Variants in PPA1 observed in about 807,000 individuals in gnomAD.
PPA1 encodes inorganic pyrophosphatase 1.
In PPA1, 23 loss-of-function variants were observed where a neutral mutation model predicts 41.8. That is an observed-to-expected ratio of 0.55 (90% CI 0.40 to 0.78). The LOEUF (loss-of-function observed/expected upper bound fraction) is 0.78, where lower values mean the gene tolerates loss of function less well. Ranked by LOEUF, PPA1 falls within the 30% of genes least tolerant of loss-of-function variation. PPA1 has a pLI of 0.00. For synonymous variants in PPA1, 101 were observed against 116.8 expected (o/e 0.86, Z 0.87); for missense variants, 320 against 361.6 (o/e 0.89, Z 0.93).
At chr10:70,217,991 G>C in intron 3 of PPA1, 60 bp from the exon 4 acceptor site, 2 of 1,372,606 alleles carry the variant, frequency 1.5e-6, no homozygotes, top group African/African-American at 1.4e-5. Flanking sequence ...TTCAAATAAG[G>C]ATCTGAGGAA....
chr10:70,203,510 T>C, intron 10 of PPA1: 1 of 236,518 alleles, frequency 4.2e-6, no homozygotes. Context: ...TTCAAGCAAT[T>C]CTCGTGCCTC....
intron 8 of PPA1, among the ~76,000 whole-genome samples, chr10:70,207,425 T>A (rs1249132198): frequency 6.6e-6 from 1 of 152,130 alleles, no homozygotes. Context: ...TAAGCACTTT[T>A]GGAGGCTGAG....
intron 6 of PPA1, among the ~76,000 whole-genome samples, chr10:70,213,256 T>C (rs780494509): frequency 2.6e-4 from 40 of 152,218 alleles, no homozygotes; most frequent in Admixed American, 7.9e-4. Flanking sequence ...AGTAAGAACC[T>C]ACCAGATTTT....
intron 2 of PPA1, among the ~76,000 whole-genome samples, chr10:70,223,600 T>C (rs1264802647): frequency 6.6e-6 from 1 of 152,148 alleles, no homozygotes; most frequent in Non-Finnish European, 1.5e-5. Flanking sequence ...GACATCTGGC[T>C]ACAATTCAAA....
At chr10:70,207,884 T>C (rs368296251) in intron 8 of PPA1, among the ~76,000 whole-genome samples, 2 of 152,066 alleles carry the variant, frequency 1.3e-5, no homozygotes, top group African/African-American at 4.8e-5. Flanking sequence ...TAATATAATA[T>C]GTGCCCAATT....
chr10:70,214,665 T>C, intron 4 of PPA1, 79 bp from the exon 5 acceptor site: 2 of 1,138,284 alleles, frequency 1.8e-6, no homozygotes, highest in Non-Finnish European at 2.6e-6. Flanking sequence ...GATAACATCC[T>C]ATGACTCTTC....
At chr10:70,213,312 T>G (rs542220225) in intron 6 of PPA1, 151 bp downstream of exon 6, 1 of 852,024 alleles carries the variant, frequency 1.2e-6, no homozygotes, top group Non-Finnish European at 1.7e-6. Flanking sequence ...TAATTACAAG[T>G]GCAGTCATAG....
chr10:70,218,163 T>C (rs1471217615), intron 3 of PPA1, among the ~76,000 whole-genome samples: 1 of 152,202 alleles, frequency 6.6e-6, no homozygotes, highest in East Asian at 1.9e-4. Flanking sequence ...ATTTACTAAT[T>C]CTAGAAAGCA....
In PPA1 at chr10:70,233,383, C is replaced by G. The variant is rs1185696249; in HGVS notation, c.-56G>C. 15 of 1,524,936 alleles carry G rather than the reference C, an allele frequency of 9.8e-6. No individual in the cohort carries two copies. In the East Asian group the frequency reaches 3.3e-4, roughly 34 times the overall value. 94.5% of individuals were successfully genotyped at this position (1,524,936 alleles called of 1,614,324 possible). A position where few individuals can be genotyped will look rare whatever the true frequency, so the allele number is the denominator to read the frequency against. On this transcript the variant is annotated 5_prime_UTR_variant, in exon 1 of 11. Coordinates refer to ENST00000373232, the MANE Select transcript of PPA1 (RefSeq NM_021129.4). Reference sequence around the variant, plus strand: ...CAGAGCCACCAGCCCGCACGCGGCGCCGACTGACAAGGAGAGAGCCCCACG... The same window carrying G: ...CAGAGCCACCAGCCCGCACGCGGCGGCGACTGACAAGGAGAGAGCCCCACG...
intron 1 of PPA1, among the ~76,000 whole-genome samples, chr10:70,231,697 TAAGG>T (rs1395637755): frequency 6.6e-6 from 1 of 152,258 alleles, no homozygotes; most frequent in Non-Finnish European, 1.5e-5. Flanking sequence ...TTATTTCTAT[TAAGG>T]AAGGATAAAG....
chr10:70,232,725 C>G (rs563964879), intron 1 of PPA1, among the ~76,000 whole-genome samples: 1 of 152,240 alleles, frequency 6.6e-6, no homozygotes, highest in South Asian at 2.1e-4. Flanking sequence ...ACCGGTCCAG[C>G]GCCTTCACAG....
chr10:70,207,029 G>C lies in PPA1; in HGVS notation c.726-696C>G, dbSNP rs1365680974. ...AACAAAAAAAAACCCAGTTCCTGTA[G>C]TGTTGGTGAGACATCTGAAACAGAC... On this transcript the variant is annotated intron_variant, in intron 8 of 10. Coordinates refer to ENST00000373232, the MANE Select transcript of PPA1 (RefSeq NM_021129.4). Among the ~76,000 whole-genome samples the C allele has an allele frequency of 2.6e-5, 4 of 152,034 alleles. No individual in the cohort carries two copies. The East Asian group carries it at 7.7e-4, about 29-fold the overall frequency.
At chr10:70,218,414 A>C (rs1840101885) in intron 3 of PPA1, 2 of 220,984 alleles carry the variant, frequency 9.1e-6, no homozygotes, top group Non-Finnish European at 1.8e-5. Flanking sequence ...TCAGAAAGAA[A>C]CTAACACCAT....
intron 2 of PPA1, among the ~76,000 whole-genome samples, chr10:70,225,316 C>A (rs1388508271): frequency 6.6e-6 from 1 of 152,106 alleles, no homozygotes; most frequent in African/African-American, 2.4e-5. Context: ...CTCCGGGGCT[C>A]AAGTGATCCT....
intron 5 of PPA1, 25 bp from the exon 6 acceptor site, chr10:70,213,614 G>C (rs570647953): frequency 1.2e-6 from 2 of 1,611,712 alleles, no homozygotes; most frequent in Non-Finnish European, 1.7e-6. Flanking sequence ...CCAAAGTCAG[G>C]ACAACATTAC....
chr10:70,203,281 A>T (rs1839901571), intron 10 of PPA1, 95 bp from the exon 11 acceptor site: 1 of 1,088,058 alleles, frequency 9.2e-7, no homozygotes, highest in East Asian at 2.4e-5. Flanking sequence ...TGCTTTAATG[A>T]ATCCTACTAT....
chr10:70,228,981 A>G (rs945008482), intron 2 of PPA1, among the ~76,000 whole-genome samples: 1 of 152,254 alleles, frequency 6.6e-6, no homozygotes, highest in African/African-American at 2.4e-5. Flanking sequence ...AAGAAAGTCA[A>G]TAACCTATGT....
chr10:70,209,658 G>A lies in PPA1; in HGVS notation c.539C>T (p.Pro180Leu). ...GTCCACAGTAGCTTCTAAGTAGCCA[G>A]GTTTCAGCCGTTTGACATCATTGAT... ...NDINDVKRLK[P>L]GYLEATVDWF... The change falls in exon 7 of 11, where the codon CCT becomes CTT. Residue 180 changes from proline (P) to leucine (L), a missense_variant. Transcript: ENST00000373232. 1 of 1,603,102 alleles carries A rather than the reference G, an allele frequency of 6.2e-7. No individual in the cohort carries two copies. The highest frequency in any genetic ancestry group is 8.5e-7 in the Non-Finnish European group (1 of 1,172,978).
At chr10:70,218,503 G>T in intron 3 of PPA1, 1 of 440,504 alleles carries the variant, frequency 2.3e-6, no homozygotes, top group Non-Finnish European at 4.1e-6. Flanking sequence ...GAGAGTAAGA[G>T]GAGAAAAAGT....
Sources: gnomAD v4.1 joint callset for allele counts (sites outside exome capture counted in the v4.1 genomes callset) on GRCh38, gnomAD v4.1.1 for gene constraint, MANE v1.5 for transcripts, NCBI Gene and HGNC (gene_info 2026-07-23, HGNC 2026-07-21) for gene names.